The following MCFD2 variants were observed in gnomAD, a reference collection of about 807,000 sequenced individuals.
The protein encoded by MCFD2 is multiple coagulation factor deficiency protein 2.
Under a neutral mutation model 12.8 loss-of-function variants are expected in MCFD2, and 11 were observed. That is an observed-to-expected ratio of 0.86 (90% CI 0.54 to 1.42). MCFD2 has a LOEUF of 1.42. Among genes scored for constraint, MCFD2 ranks in the 40% most tolerant of loss-of-function variants. The pLI, the probability that MCFD2 is intolerant of heterozygous loss-of-function variation, is 0.00. For synonymous variants in MCFD2, 70 were observed against 68.1 expected, an observed-to-expected ratio of 1.03 and a Z score of -0.14; for missense variants, 191 against 178.6, an observed-to-expected ratio of 1.07 and a Z score of -0.40.
At chr2:46,917,926 T>A (rs1254815749), upstream of MCFD2, among the ~76,000 whole-genome samples, 2 of 152,244 alleles carry the variant, frequency 1.3e-5, no homozygotes, top group Non-Finnish European at 2.9e-5. Flanking sequence ...GGCTTCTCAA[T>A]CTATAATTAT....
intron 3 of MCFD2, 172 bp from the exon 4 acceptor site, chr2:46,905,766 C>G: frequency 1.5e-6 from 1 of 674,848 alleles, no homozygotes; most frequent in Non-Finnish European, 2.6e-6. Context: ...CAAAAACTTT[C>G]AATGGAGTAT....
At chr2:46,909,412 G>A (rs1668389911) in intron 1 of MCFD2, among the ~76,000 whole-genome samples, 2 of 152,196 alleles carry the variant, frequency 1.3e-5, no homozygotes, top group Non-Finnish European at 2.9e-5. Context: ...CCTGCAGAGT[G>A]CCAAGCAACA....
chr2:46,939,297 G>A (rs568593313), intron 1 of MCFD2, among the ~76,000 whole-genome samples: 23 of 152,246 alleles, frequency 1.5e-4, no homozygotes, highest in African/African-American at 3.9e-4. Flanking sequence ...GCTCAAGCCT[G>A]TAATCCTAGC....
chr2:46,907,807 T>C lies in MCFD2; in HGVS notation c.309+3A>G, dbSNP rs1668306641. ...CAGTCCCCCAAGCCACTGCCAGACC[T>C]ACCTCCTTATGGACATGAGTGATGG... On this transcript the variant is annotated splice_donor_region_variant and intron_variant, in intron 3 of 3. Transcript: ENST00000319466. The surrounding 1 kb of genome is among the most constrained non-coding windows in gnomAD (Gnocchi z 4.1). The C allele has an allele frequency of 6.2e-7, 1 of 1,614,020 alleles. No individual in the cohort carries two copies. Among genetic ancestry groups the C allele is most frequent in the Non-Finnish European group, 8.5e-7 (1 of 1,180,012 alleles).
At chr2:46,917,162 ATT>A (rs749992204), upstream of MCFD2, 4 of 695,128 alleles carry the variant, frequency 5.8e-6, no homozygotes, top group African/African-American at 1.8e-5. Context: ...ATAATCCCTA[ATT>A]TTTTTTTCTT....
Position 46,907,831 on chromosome 2 carries a change from G to C in MCFD2, c.288C>G (p.Ala96=). 6.2e-7 allele frequency: 1 copy of C among 1,614,154 alleles called. No homozygotes were observed. The highest frequency in any genetic ancestry group is 8.5e-7 in the Non-Finnish European group (1 of 1,180,012). The change falls in exon 3 of 4, where the codon GCC becomes GCG. Residue 96 remains alanine, a synonymous_variant. Transcript: ENST00000319466. This position sits in a 1 kb window ranked among gnomAD's most constrained non-coding sequence, Gnocchi z 4.1. The stretch of plus-strand genomic sequence containing the variant: ...CTACCTCCTTATGGACATGAGTGAT[G>C]GCTGTGGAGAGTTCTAAGCCATCAA... ...NLLDGLELST[A]ITHVHKEEGS...
intron 1 of MCFD2, among the ~76,000 whole-genome samples, chr2:46,928,424 G>A (rs1289990450): frequency 7.3e-6 from 1 of 136,976 alleles, no homozygotes; most frequent in Non-Finnish European, 1.5e-5. Context: ...GAGGCTCAAA[G>A]CCCTCTTTCA....
chr2:46,905,213 C>G lies in MCFD2; in HGVS notation c.*250G>C, dbSNP rs985039913. ...TCTTTATCAGCAGCATTAATACAGACTAATACAGATGCTTGAAGCAAGCCC... is the reference window on the plus strand; with the variant it reads ...TCTTTATCAGCAGCATTAATACAGAGTAATACAGATGCTTGAAGCAAGCCC... On this transcript the variant is annotated 3_prime_UTR_variant, in exon 4 of 4. Coordinates refer to ENST00000319466, the MANE Select transcript of MCFD2 (RefSeq NM_139279.6). 1.2e-4 allele frequency: 62 copies of G among 502,128 alleles called. No individual in the cohort carries two copies. The highest frequency in any genetic ancestry group is 1.0e-3 in the African/African-American group (53 of 51,678). The allele number at this position is 502,128 out of a possible 1,614,324, so 31.1% of individuals were successfully genotyped here.
Position 46,907,513 on chromosome 2 carries a change from T to C in MCFD2, c.309+297A>G, listed in dbSNP as rs1668295320. 2 of 399,098 alleles carry C rather than the reference T, an allele frequency of 5.0e-6. No individual in the cohort carries two copies. Among genetic ancestry groups the C allele is most frequent in the Non-Finnish European group, 9.5e-6 (2 of 209,534 alleles). 24.7% of individuals were successfully genotyped at this position (399,098 alleles called of 1,614,324 possible). On this transcript the variant is annotated intron_variant, in intron 3 of 3. Coordinates refer to ENST00000319466, the MANE Select transcript of MCFD2 (RefSeq NM_139279.6). The surrounding 1 kb of genome is among the most constrained non-coding windows in gnomAD (Gnocchi z 4.1). The stretch of plus-strand genomic sequence containing the variant: ...AATCCTCCCACCTTAGCCTCCTGAG[T>C]ACGTAGAACTACGGGCATGCACTAC...
intron 1 of MCFD2, among the ~76,000 whole-genome samples, chr2:46,909,950 G>T (rs546243048): frequency 6.6e-6 from 1 of 152,350 alleles, no homozygotes; most frequent in African/African-American, 2.4e-5. Flanking sequence ...AAGGCATGAA[G>T]TGGCAAAAGC....
At chr2:46,936,859 A>ATT (rs67502094) in intron 1 of MCFD2, among the ~76,000 whole-genome samples, 14 of 142,844 alleles carry the variant, frequency 9.8e-5, no homozygotes, top group Non-Finnish European at 1.5e-4. Context: ...AGGATTCCAA[A>ATT]TTTTTTTTTT....
rs764018345 is a variant in MCFD2 at position 46,905,466 on chromosome 2, C to G, written c.438G>C (p.Gln146His). 1.4e-5 allele frequency: 22 copies of G among 1,612,414 alleles called. No individual in the cohort carries two copies. The highest frequency in any genetic ancestry group is 1.8e-5 in the Non-Finnish European group (21 of 1,179,910). The change falls in exon 4 of 4, where the codon CAG (glutamine) becomes CAC (histidine). Residue 146 changes from glutamine (Q) to histidine (H), a missense_variant. Gln to His is a conservative substitution (Grantham distance 24). Transcript: ENST00000319466. ...IDYAEFAKSL[Q>H] ...CCAGGAGATGGCCAAATAACATCTA[C>G]TGCAGTGATTTTGCAAATTCAGCAT...
intron 1 of MCFD2, among the ~76,000 whole-genome samples, chr2:46,929,055 T>A (rs1669554495): frequency 6.6e-6 from 1 of 151,868 alleles, no homozygotes; most frequent in Admixed American, 6.6e-5. Flanking sequence ...CTCAGCTGTT[T>A]GGTAGGTTGA....
exon 1 of MCFD2, chr2:46,915,805 CGCCCCGCCCCCCCCCCCCCCCCGACCT>C: frequency 2.7e-6 from 1 of 368,312 alleles, no homozygotes; most frequent in Non-Finnish European, 3.1e-6. Context: ...TCCTCGGCTT[CGCCCCGCCCCCCCCCCCCCCCCGACCT>C]GCCCTGCGCA....
rs1296097620 is a variant in MCFD2 at position 46,937,171 on chromosome 2, T to G, written c.-8+4401A>C. Reference sequence around the variant, plus strand: ...ATGCCCAACCCCAAAAATTACTTCCTTAACAGATTTCTTGGCCAAAGCAAA... The same window carrying G: ...ATGCCCAACCCCAAAAATTACTTCCGTAACAGATTTCTTGGCCAAAGCAAA... On this transcript the variant is annotated intron_variant, in intron 1 of 2. Transcript: ENST00000409147. This position sits in a 1 kb window ranked among gnomAD's most constrained non-coding sequence, Gnocchi z 4.0. 6.6e-6 allele frequency among the ~76,000 whole-genome samples: 1 copy of G among 152,146 alleles called. No homozygotes were observed. The highest frequency in any genetic ancestry group is 1.5e-5 in the Non-Finnish European group (1 of 68,010).
At chr2:46,929,760 C>G (rs992543468) in intron 1 of MCFD2, among the ~76,000 whole-genome samples, 1 of 152,146 alleles carries the variant, frequency 6.6e-6, no homozygotes, top group African/African-American at 2.4e-5. Flanking sequence ...TTATTATTCA[C>G]AAAGATTCAC....
In MCFD2 at chr2:46,908,483, C is replaced by T. The variant is rs144541537; in HGVS notation, c.150-514G>A. 5.5e-5 allele frequency: 14 copies of T among 253,874 alleles called. No individual in the cohort carries two copies. Among genetic ancestry groups the T allele is most frequent in the East Asian group, 5.4e-4 (5 of 9,282 alleles). The allele number at this position is 253,874 out of a possible 1,614,324, so 15.7% of individuals were successfully genotyped here. A position where few individuals can be genotyped will look rare whatever the true frequency, so the allele number is the denominator to read the frequency against. ...TTCCCTATATTGCCTAGGCTGGTCT[C>T]GAATTCCTGGGCTCAAGTAATCCAC... On this transcript the variant is annotated intron_variant, in intron 2 of 3. Coordinates refer to ENST00000319466, the MANE Select transcript of MCFD2 (RefSeq NM_139279.6). The surrounding 1 kb of genome is among the most constrained non-coding windows in gnomAD (Gnocchi z 4.5).
At chr2:46,916,122 G>A (rs370060328), upstream of MCFD2, 115 of 985,428 alleles carry the variant, frequency 1.2e-4, 1 homozygote, top group African/African-American at 1.8e-3. Flanking sequence ...CGGATGGGGC[G>A]GACCCCAAAG....
intron 1 of MCFD2, among the ~76,000 whole-genome samples, chr2:46,930,105 A>G (rs1669612071): frequency 6.6e-6 from 1 of 152,190 alleles, no homozygotes; most frequent in African/African-American, 2.4e-5. Context: ...ACCTTTCCCT[A>G]CTGTTATTTA....
Sources: allele counts gnomAD v4.1 joint callset (sites outside exome capture counted in the v4.1 genomes callset), GRCh38; gene constraint gnomAD v4.1.1; non-coding constraint Gnocchi (gnomAD v3.1); transcripts MANE v1.5; gene names NCBI Gene and HGNC (gene_info 2026-07-23, HGNC 2026-07-21).